Variants in PLXDC2 observed in about 807,000 individuals in gnomAD.
The protein encoded by PLXDC2 is plexin domain containing 2, also known as plexin domain-containing protein 2.
A neutral mutation model predicts 68.9 loss-of-function variants in PLXDC2; 40 were observed. The observed-to-expected ratio is 0.58, with a 90% CI of 0.45 to 0.76. The LOEUF is 0.76. PLXDC2 is among the 30% of genes least tolerant of loss of function. The probability of loss-of-function intolerance (pLI) is 0.00; values close to 1 mark genes in which losing one functional copy is unlikely to be tolerated. For missense variants in PLXDC2, 644 were observed against 661.9 expected (o/e 0.97, Z 0.30); for synonymous variants, 243 against 234.2 (o/e 1.04, Z -0.34).
At chr10:20,107,991 A>G (rs1833513573) in intron 4 of PLXDC2, among the ~76,000 whole-genome samples, 1 of 152,216 alleles carries the variant, frequency 6.6e-6, no homozygotes, top group Non-Finnish European at 1.5e-5. Context: ...GATACAAATT[A>G]AATATTGTGC....
chr10:20,278,313 G>A (rs1836035597), intron 13 of PLXDC2, among the ~76,000 whole-genome samples: 1 of 152,010 alleles, frequency 6.6e-6, no homozygotes, highest in Non-Finnish European at 1.5e-5. Flanking sequence ...CCAGAGTTGG[G>A]GCTATAAGTA....
intron 4 of PLXDC2, among the ~76,000 whole-genome samples, chr10:20,108,446 C>T (rs12267681): frequency 0.033 from 5,085 of 152,156 alleles, 291 homozygotes; most frequent in African/African-American, 0.12. Context: ...GAAATAATAG[C>T]ATTTTTTGTT....
chr10:19,888,880 A>G (rs1837897012), intron 1 of PLXDC2, among the ~76,000 whole-genome samples: 1 of 152,176 alleles, frequency 6.6e-6, no homozygotes, highest in Non-Finnish European at 1.5e-5. Flanking sequence ...TAGAACAGAA[A>G]TGTCACAGTT....
At chr10:19,953,742 A>C (rs553425397) in intron 1 of PLXDC2, among the ~76,000 whole-genome samples, 35 of 152,230 alleles carry the variant, frequency 2.3e-4, no homozygotes, top group Non-Finnish European at 4.4e-4. Context: ...GTTTATGATC[A>C]TCATACTCAA....
intron 12 of PLXDC2, among the ~76,000 whole-genome samples, chr10:20,230,701 A>AAAAC (rs1835350903): frequency 1.3e-5 from 2 of 149,428 alleles, no homozygotes; most frequent in South Asian, 4.2e-4. Context: ...CTCAAAAAAA[A>AAAAC]AAAAAAAAAA....
At chr10:20,075,136 C>T (rs1016865258) in intron 4 of PLXDC2, among the ~76,000 whole-genome samples, 1 of 152,154 alleles carries the variant, frequency 6.6e-6, no homozygotes, top group Non-Finnish European at 1.5e-5. Flanking sequence ...CTTACTCCTC[C>T]CTCAAACTGT....
At position 20,001,968 on chromosome 10, in the gene PLXDC2, C is replaced by G. The variant is rs919687779; in HGVS notation, c.306C>G (p.Asp102Glu). The G allele has an allele frequency of 6.2e-7, 1 of 1,612,142 alleles. No individual in the cohort carries two copies. Residue 102 changes from aspartate to glutamate, a missense_variant, in exon 2 of 14, where the codon GAC (aspartate) becomes GAG (glutamate). By Grantham distance (45) the Asp-to-Glu change is conservative. Transcript: ENST00000377252. Reference sequence around the variant, plus strand: ...ACCTGCTGCTGGATGATGGGCAGGACAATAACACTCAGATCGAGGTAGATA... The same window carrying G: ...ACCTGCTGCTGGATGATGGGCAGGAGAATAACACTCAGATCGAGGTAGATA... ...FTDLLLDDGQDNNTQIEEDTD... is the reference protein window; with the variant it reads ...FTDLLLDDGQENNTQIEEDTD...
At chr10:20,208,960 T>A (rs1024739881) in intron 9 of PLXDC2, among the ~76,000 whole-genome samples, 2 of 151,844 alleles carry the variant, frequency 1.3e-5, no homozygotes, top group Non-Finnish European at 2.9e-5. Flanking sequence ...ACGAATAGGG[T>A]GTGGGCCACA....
intron 12 of PLXDC2, among the ~76,000 whole-genome samples, chr10:20,221,231 C>G (rs565914567): frequency 1.3e-5 from 2 of 152,202 alleles, no homozygotes; most frequent in South Asian, 2.1e-4. Context: ...TACCATTTAT[C>G]CCAATGAAAA....
At chr10:19,947,707 CTTTTTT>C (rs34439585) in intron 1 of PLXDC2, among the ~76,000 whole-genome samples, 2 of 120,968 alleles carry the variant, frequency 1.7e-5, no homozygotes, top group East Asian at 4.7e-4. Context: ...TTCTTTCTTT[CTTTTTT>C]TTTTTTTTTT....
At chr10:19,998,478 C>T (rs930044912) in intron 1 of PLXDC2, among the ~76,000 whole-genome samples, 1 of 152,116 alleles carries the variant, frequency 6.6e-6, no homozygotes, top group African/African-American at 2.4e-5. Flanking sequence ...CCTCTATGCA[C>T]GACCAGGTAG....
intron 1 of PLXDC2, among the ~76,000 whole-genome samples, chr10:19,891,584 C>G (rs1022460020): frequency 6.6e-6 from 1 of 152,174 alleles, no homozygotes; most frequent in African/African-American, 2.4e-5. Context: ...GGGTCTCCAC[C>G]TCTGCCTCCT....
At chr10:20,072,888 T>G (rs1340892212) in intron 4 of PLXDC2, among the ~76,000 whole-genome samples, 4 of 152,222 alleles carry the variant, frequency 2.6e-5, no homozygotes, top group Admixed American at 2.6e-4. Flanking sequence ...AGACTTTTGA[T>G]GGATCTCTTC....
chr10:19,937,923 A>G lies in PLXDC2; in HGVS notation c.113-63852A>G, dbSNP rs1054982761. On this transcript the variant is annotated intron_variant, in intron 1 of 13. Transcript: ENST00000377252. Reference sequence around the variant, plus strand: ...ACCCCACTTAGTTGGCTTGGTGTTGACTTTGTCTGATATCAGTGGTAATCA... The same window carrying G: ...ACCCCACTTAGTTGGCTTGGTGTTGGCTTTGTCTGATATCAGTGGTAATCA... 2.6e-5 allele frequency among the ~76,000 whole-genome samples: 4 copies of G among 152,058 alleles called. No homozygotes were observed. The South Asian group carries it at 8.3e-4, about 32-fold the overall frequency.
At chr10:20,168,982 C>T (rs1416850138) in intron 7 of PLXDC2, among the ~76,000 whole-genome samples, 5 of 152,060 alleles carry the variant, frequency 3.3e-5, no homozygotes, top group African/African-American at 7.2e-5. Context: ...CCTGTTTTCA[C>T]CTTCATATAT....
rs1834344369 is a variant in PLXDC2 at position 20,164,341 on chromosome 10, T to C, written c.784-127T>C. 4.0e-6 allele frequency: 3 copies of C among 747,722 alleles called. No homozygotes were observed. In the African/African-American group the frequency reaches 5.3e-5, roughly 13 times the overall value. The allele number at this position is 747,722 out of a possible 1,614,324, so 46.3% of individuals were successfully genotyped here. ...GTATGTCTCTCTTTTCTAATACCTT[T>C]GACTCCCTTTCTAGTCTTTTATCTC... On this transcript the variant is annotated intron_variant, in intron 6 of 13. Transcript: ENST00000377252.
chr10:20,241,290 A>G lies in PLXDC2; in HGVS notation c.1313-4055A>G, dbSNP rs191934634. Among the ~76,000 whole-genome samples, 6 of 152,344 alleles carry G rather than the reference A, an allele frequency of 3.9e-5. No individual in the cohort carries two copies. In the South Asian group the frequency reaches 1.2e-3, roughly 32 times the overall value. On this transcript the variant is annotated intron_variant, in intron 12 of 13. Coordinates refer to ENST00000377252, the MANE Select transcript of PLXDC2 (RefSeq NM_032812.9). ...GGTTGTTATATTCCAAACATTGGCA[A>G]CTTATGCCCTGCAGGACAAAATTAA...
chr10:20,242,892 G>A (rs1332360151), intron 12 of PLXDC2, among the ~76,000 whole-genome samples: 1 of 152,004 alleles, frequency 6.6e-6, no homozygotes, highest in African/African-American at 2.4e-5. Flanking sequence ...TGTATTTTTA[G>A]TAGAGACAGG....
intron 1 of PLXDC2, among the ~76,000 whole-genome samples, chr10:19,895,742 T>C (rs1476984835): frequency 6.6e-6 from 1 of 152,046 alleles, no homozygotes; most frequent in Non-Finnish European, 1.5e-5. Context: ...CCATGTGAGA[T>C]CATCTTCTGC....
Sources: gnomAD v4.1 joint callset for allele counts (sites outside exome capture counted in the v4.1 genomes callset) on GRCh38, gnomAD v4.1.1 for gene constraint, MANE v1.5 for transcripts, NCBI Gene and HGNC (gene_info 2026-07-23, HGNC 2026-07-21) for gene names.